MBD5: variants seen among roughly 807,000 people sequenced by gnomAD.
MBD5 encodes the protein methyl-CpG binding domain protein 5.
MBD5 carries 13 observed loss-of-function variants against 117.3 expected under a neutral mutation model. That is an observed-to-expected ratio of 0.11 (90% CI 0.07 to 0.18). The LOEUF (loss-of-function observed/expected upper bound fraction) is 0.18, where lower values mean the gene tolerates loss of function less well. Among genes scored for constraint, MBD5 ranks in the 10% least tolerant of loss-of-function variants. The pLI is 1.00. For missense variants in MBD5, 1,879 were observed against 2,093.8 expected, an observed-to-expected ratio of 0.90 and a Z score of 2.00; for synonymous variants, 727 against 766.4, an observed-to-expected ratio of 0.95 and a Z score of 0.85.
At chr2:148,242,531 G>A (rs1457737717) in intron 3 of MBD5, among the ~76,000 whole-genome samples, 2 of 152,150 alleles carry the variant, frequency 1.3e-5, no homozygotes, top group African/African-American at 4.8e-5. Context: ...CCAGCCCACT[G>A]TTAGGTCGCC....
intron 5 of MBD5, chr2:148,460,381 T>C (rs1484361624): frequency 6.6e-6 from 1 of 152,198 alleles, no homozygotes; most frequent in East Asian, 1.9e-4. Flanking sequence ...GTTCTCCAAC[T>C]TCAAATCTGT....
chr2:148,275,781 G>A (rs1235534519), intron 3 of MBD5, among the ~76,000 whole-genome samples: 1 of 148,448 alleles, frequency 6.7e-6, no homozygotes, highest in Non-Finnish European at 1.5e-5. Flanking sequence ...TTTTTTTTTT[G>A]GCTCATTTTT....
At chr2:148,412,614 G>A (rs563731480) in intron 4 of MBD5, among the ~76,000 whole-genome samples, 4 of 152,052 alleles carry the variant, frequency 2.6e-5, no homozygotes, top group South Asian at 2.1e-4. Flanking sequence ...TCCATTTGTT[G>A]TGTCATCTCT....
At chr2:148,344,727 G>T (rs1291454177) in intron 4 of MBD5, among the ~76,000 whole-genome samples, 1 of 151,858 alleles carries the variant, frequency 6.6e-6, no homozygotes, top group Non-Finnish European at 1.5e-5. Context: ...TGTTTTCAAG[G>T]TATAGAATCA....
intron 1 of MBD5, among the ~76,000 whole-genome samples, chr2:148,115,763 G>A (rs13015655): frequency 0.42 from 63,171 of 151,964 alleles, 13,341 homozygotes; most frequent in Middle Eastern, 0.54. Flanking sequence ...TTTGTGTCAT[G>A]TTAACAAAGA....
intron 2 of MBD5, among the ~76,000 whole-genome samples, chr2:148,225,964 C>G (rs535682840): frequency 6.6e-6 from 1 of 152,130 alleles, no homozygotes; most frequent in Admixed American, 6.6e-5. Flanking sequence ...GTTCTATAAC[C>G]TTCTTGTACT....
chr2:148,347,306 T>C (rs1703146609), intron 4 of MBD5: 1 of 152,026 alleles, frequency 6.6e-6, no homozygotes, highest in East Asian at 1.9e-4. Context: ...CCAAGGAGTT[T>C]TGAGGCTATA....
chr2:148,262,054 T>C (rs754036284), intron 3 of MBD5, among the ~76,000 whole-genome samples: 17 of 152,138 alleles, frequency 1.1e-4, no homozygotes, highest in Admixed American at 2.0e-4. Flanking sequence ...AGGTCACTGA[T>C]CACGGATCAC....
chr2:148,501,784 A>G (rs768905133), intron 11 of MBD5, among the ~76,000 whole-genome samples: 4 of 152,206 alleles, frequency 2.6e-5, no homozygotes, highest in Admixed American at 1.3e-4. Context: ...CACAAGGCAT[A>G]GCAACACCCT....
chr2:148,180,343 C>CAGATATATATATATAT (rs757856356), intron 2 of MBD5, among the ~76,000 whole-genome samples: 12 of 105,544 alleles, frequency 1.1e-4, no homozygotes, highest in African/African-American at 3.9e-4. Context: ...AAAAATTATA[C>CAGATATATATATATAT]ATATATATAT....
intron 12 of MBD5, among the ~76,000 whole-genome samples, chr2:148,507,376 T>C (rs1682064605): frequency 6.6e-6 from 1 of 152,232 alleles, no homozygotes; most frequent in Admixed American, 6.5e-5. Context: ...TCTTAAAAAG[T>C]CATGAAGTAT....
rs1693729551 is a variant in MBD5 at position 148,021,517 on chromosome 2, C to T, written c.-1092C>T. On this transcript the variant is annotated 5_prime_UTR_variant, in exon 1 of 14. Coordinates refer to ENST00000642680, the MANE Select transcript of MBD5 (RefSeq NM_001378120.1). ...GCTGCTACTGCTGCTGCTGCTACTGCTGCTGCTTGGCCCTGGCTGGAGACA... is the reference window on the plus strand; with the variant it reads ...GCTGCTACTGCTGCTGCTGCTACTGTTGCTGCTTGGCCCTGGCTGGAGACA... The T allele has an allele frequency of 1.7e-6, 1 of 575,256 alleles. No individual in the cohort carries two copies. The highest frequency in any genetic ancestry group is 3.3e-6 in the Non-Finnish European group (1 of 299,486). 35.6% of individuals were successfully genotyped at this position (575,256 alleles called of 1,614,324 possible). A position where few individuals can be genotyped will look rare whatever the true frequency, so the allele number is the denominator to read the frequency against.
chr2:148,294,502 T>TTTTTTTTTTTTTGTTTTTTTTTTTTG (rs1559009495), intron 3 of MBD5, among the ~76,000 whole-genome samples: 3 of 13,536 alleles, frequency 2.2e-4, no homozygotes, highest in South Asian at 0.012. Flanking sequence ...GGGATTACAG[T>TTTTTTTTTTTTTGTTTTTTTTTTTTG]TTTTTTTTTT....
At chr2:148,065,401 T>C (rs1382962817) in intron 1 of MBD5, among the ~76,000 whole-genome samples, 1 of 152,104 alleles carries the variant, frequency 6.6e-6, no homozygotes, top group African/African-American at 2.4e-5. Flanking sequence ...ATAGGTTCAG[T>C]TAAGAGAGCA....
intron 4 of MBD5, among the ~76,000 whole-genome samples, chr2:148,452,770 T>G (rs1288119995): frequency 6.6e-6 from 1 of 152,174 alleles, no homozygotes; most frequent in African/African-American, 2.4e-5. Flanking sequence ...AGTTAGCATA[T>G]CAGTTTTCTT....
chr2:148,418,951 A>G (rs1705510340), intron 4 of MBD5, among the ~76,000 whole-genome samples: 2 of 152,228 alleles, frequency 1.3e-5, no homozygotes, highest in African/African-American at 4.8e-5. Flanking sequence ...ATCTGGAGGC[A>G]TCACATTACC....
chr2:148,184,259 C>T (rs745733083), intron 2 of MBD5, among the ~76,000 whole-genome samples: 11 of 152,102 alleles, frequency 7.2e-5, no homozygotes, highest in African/African-American at 1.2e-4. Context: ...GTGGTCCTCC[C>T]GCCTTGGCTT....
At chr2:148,397,987 C>T (rs1461590576) in intron 4 of MBD5, among the ~76,000 whole-genome samples, 1 of 152,156 alleles carries the variant, frequency 6.6e-6, no homozygotes, top group Admixed American at 6.5e-5. Context: ...ATGAACTCAT[C>T]ATTTTTTATG....
intron 1 of MBD5, among the ~76,000 whole-genome samples, chr2:148,048,417 A>C (rs1250811975): frequency 6.6e-6 from 1 of 152,210 alleles, no homozygotes; most frequent in Non-Finnish European, 1.5e-5. Flanking sequence ...TTTATAGTTT[A>C]GTGAGGATAT....
Sources: allele counts gnomAD v4.1 joint callset (sites outside exome capture counted in the v4.1 genomes callset), GRCh38; gene constraint gnomAD v4.1.1; transcripts MANE v1.5; gene names NCBI Gene and HGNC (gene_info 2026-07-23, HGNC 2026-07-21).